The following TNFAIP8 variants were observed in gnomAD, a reference collection of about 807,000 sequenced individuals.
The protein encoded by TNFAIP8 is TNF alpha induced protein 8.
In TNFAIP8, 7 loss-of-function variants were observed where a neutral mutation model predicts 13.3. The observed-to-expected ratio is 0.52, with a 90% CI of 0.30 to 0.99. The LOEUF is 0.99. Ranked by LOEUF, TNFAIP8 falls within the 50% of genes least tolerant of loss-of-function variation. The probability of loss-of-function intolerance (pLI) is 0.07; values close to 1 mark genes in which losing one functional copy is unlikely to be tolerated. For synonymous variants in TNFAIP8, 94 were observed against 87.6 expected, an observed-to-expected ratio of 1.07 and a Z score of -0.41; for missense variants, 258 against 236.9, an observed-to-expected ratio of 1.09 and a Z score of -0.58.
chr5:119,319,431 A>G (rs926938946), intron 1 of TNFAIP8, among the ~76,000 whole-genome samples: 4 of 152,246 alleles, frequency 2.6e-5, no homozygotes, highest in African/African-American at 9.6e-5. Context: ...TAATGAGAAC[A>G]TTCCAACGTG....
exon 1 of TNFAIP8, chr5:119,268,813 G>T: frequency 1.4e-6 from 1 of 698,364 alleles, no homozygotes; most frequent in Non-Finnish European, 2.6e-6. Context: ...AGGTCCGCGG[G>T]AACCCGTGAG....
At chr5:119,325,793 T>G (rs995356701) in intron 1 of TNFAIP8, among the ~76,000 whole-genome samples, 3 of 152,184 alleles carry the variant, frequency 2.0e-5, no homozygotes, top group African/African-American at 7.2e-5. Context: ...TCCGTCACTG[T>G]AGCCACACCA....
chr5:119,312,534 G>A (rs959691965), intron 1 of TNFAIP8, among the ~76,000 whole-genome samples: 9 of 151,988 alleles, frequency 5.9e-5, no homozygotes, highest in Admixed American at 2.0e-4. Flanking sequence ...GACATACACC[G>A]GGACTCAAAT....
chr5:119,306,494 T>A (rs1749569109), intron 1 of TNFAIP8: 1 of 152,252 alleles, frequency 6.6e-6, no homozygotes, highest in Non-Finnish European at 1.5e-5. Flanking sequence ...CCCCTGCTCC[T>A]GGGAGGTCAC....
chr5:119,341,039 A>T (rs900983479), intron 1 of TNFAIP8, among the ~76,000 whole-genome samples: 2 of 149,284 alleles, frequency 1.3e-5, no homozygotes, highest in East Asian at 3.9e-4. Flanking sequence ...AGCCGTAGAC[A>T]CCTTTTATTC....
chr5:119,314,182 CAAACAAACAAACA>C (rs1749815199), intron 1 of TNFAIP8, among the ~76,000 whole-genome samples: 2 of 151,620 alleles, frequency 1.3e-5, no homozygotes, highest in Non-Finnish European at 2.9e-5. Context: ...AACAAACAAA[CAAACAAACAAACA>C]AACAAACAAA....
intron 1 of TNFAIP8, among the ~76,000 whole-genome samples, chr5:119,383,703 T>G (rs1752570813): frequency 6.6e-6 from 1 of 152,198 alleles, no homozygotes; most frequent in African/African-American, 2.4e-5. Context: ...AAGTTGTCTC[T>G]TGGAAGCAAG....
chr5:119,375,473 T>C lies in TNFAIP8; in HGVS notation c.32-17343T>C, dbSNP rs148953874. Reference sequence around the variant, plus strand: ...CTTATAACATTGATTGGTTGTGTTATGTTACTTGCCAAAGTTTATTTTACC... The same window carrying C: ...CTTATAACATTGATTGGTTGTGTTACGTTACTTGCCAAAGTTTATTTTACC... On this transcript the variant is annotated intron_variant, in intron 1 of 1. Coordinates refer to ENST00000504771, the MANE Select transcript of TNFAIP8 (RefSeq NM_014350.4). 9.8e-4 allele frequency among the ~76,000 whole-genome samples: 149 copies of C among 152,366 alleles called. 1 individual carries two copies. Among genetic ancestry groups the C allele is most frequent in the Admixed American group, 8.2e-3 (125 of 15,312 alleles).
intron 1 of TNFAIP8, among the ~76,000 whole-genome samples, chr5:119,295,206 GGTCTAACGTTTA>G (rs1749133000): frequency 2.0e-5 from 1 of 50,908 alleles, no homozygotes; most frequent in Non-Finnish European, 3.5e-5. Flanking sequence ...TAGACCTATA[GGTCTAACGTTTA>G]GTCTAACGTT....
intron 1 of TNFAIP8, among the ~76,000 whole-genome samples, chr5:119,286,740 A>G (rs1271975373): frequency 6.6e-6 from 1 of 152,110 alleles, no homozygotes; most frequent in East Asian, 1.9e-4. Flanking sequence ...GCCATGCCCC[A>G]GTCACAGTGT....
At chr5:119,357,061 C>T (rs1021978370) in intron 1 of TNFAIP8, among the ~76,000 whole-genome samples, 1 of 152,170 alleles carries the variant, frequency 6.6e-6, no homozygotes, top group African/African-American at 2.4e-5. Context: ...CCCATCATTT[C>T]TCCATTTGGT....
Position 119,395,702 on chromosome 5 carries a change from T to A in TNFAIP8, c.*2321T>A. 1 of 152,164 alleles carries A rather than the reference T, an allele frequency of 6.6e-6. No individual in the cohort carries two copies. The highest frequency in any genetic ancestry group is 1.9e-4 in the East Asian group (1 of 5,200). The allele number at this position is 152,164 out of a possible 1,614,324, so 9.4% of individuals were successfully genotyped here. The stretch of plus-strand genomic sequence containing the variant: ...CCTGAAAAGCATGTCTTGGATCAGG[T>A]CCAAAGTCGTGATTAGCAAGTTCAT... On this transcript the variant is annotated 3_prime_UTR_variant, in exon 2 of 2. Transcript: ENST00000504771.
intron 1 of TNFAIP8, among the ~76,000 whole-genome samples, chr5:119,289,003 T>C (rs1748901795): frequency 6.6e-6 from 1 of 152,254 alleles, no homozygotes; most frequent in South Asian, 2.1e-4. Flanking sequence ...AACCAACTGC[T>C]TCCTAGCACG....
intron 1 of TNFAIP8, among the ~76,000 whole-genome samples, chr5:119,347,343 T>C (rs1365481853): frequency 2.6e-5 from 4 of 152,228 alleles, no homozygotes; most frequent in Non-Finnish European, 4.4e-5. Context: ...GGGCTGATTA[T>C]ATATCACTGA....
At chr5:119,309,711 A>G (rs1038011013) in intron 1 of TNFAIP8, among the ~76,000 whole-genome samples, 6 of 152,090 alleles carry the variant, frequency 3.9e-5, no homozygotes, top group Non-Finnish European at 7.4e-5. Flanking sequence ...AAGACACATC[A>G]CCCCAGTCTC....
At chr5:119,271,519 G>T (rs1476912922) in intron 1 of TNFAIP8, among the ~76,000 whole-genome samples, 1 of 152,226 alleles carries the variant, frequency 6.6e-6, no homozygotes, top group African/African-American at 2.4e-5. Flanking sequence ...CGTGATAGCA[G>T]TTGAAGGGGC....
intron 1 of TNFAIP8, among the ~76,000 whole-genome samples, chr5:119,275,988 G>A (rs1405766239): frequency 6.6e-6 from 1 of 152,156 alleles, no homozygotes; most frequent in Non-Finnish European, 1.5e-5. Context: ...GGGAAATGAG[G>A]CAGATAGAGG....
intron 1 of TNFAIP8, among the ~76,000 whole-genome samples, chr5:119,272,691 C>G (rs1748325382): frequency 1.3e-5 from 2 of 152,186 alleles, no homozygotes; most frequent in East Asian, 1.9e-4. Context: ...CCAGCCCATC[C>G]TTTTAGACAG....
At chr5:119,286,161 G>C (rs1480756896) in intron 1 of TNFAIP8, among the ~76,000 whole-genome samples, 2 of 152,184 alleles carry the variant, frequency 1.3e-5, no homozygotes, top group East Asian at 3.8e-4. Context: ...TGTGTAAAAA[G>C]TGCATGCTGA....
Sources: allele counts gnomAD v4.1 joint callset (sites outside exome capture counted in the v4.1 genomes callset), GRCh38; gene constraint gnomAD v4.1.1; transcripts MANE v1.5; gene names NCBI Gene and HGNC (gene_info 2026-07-23, HGNC 2026-07-21).